Variants in PRDM6 observed in about 807,000 individuals in gnomAD.
PRDM6 encodes putative histone-lysine N-methyltransferase PRDM6.
A neutral mutation model predicts 60.8 loss-of-function variants in PRDM6; 25 were observed. The ratio of observed to expected loss-of-function variants is 0.41; its 90% CI spans 0.30 to 0.57. The LOEUF (loss-of-function observed/expected upper bound fraction) is 0.57. PRDM6 is among the 20% of genes least tolerant of loss of function. The pLI, the probability that PRDM6 is intolerant of heterozygous loss-of-function variation, is 0.27. For synonymous variants in PRDM6, 407 were observed against 357.4 expected, an observed-to-expected ratio of 1.14 and a Z score of -1.57; for missense variants, 839 against 821.3, an observed-to-expected ratio of 1.02 and a Z score of -0.26.
At chr5:123,147,854 G>A (rs1765282223) in intron 3 of PRDM6, among the ~76,000 whole-genome samples, 1 of 152,228 alleles carries the variant, frequency 6.6e-6, no homozygotes, top group South Asian at 2.1e-4. Context: ...TGGATGGCAG[G>A]CTTCATATCG....
intron 3 of PRDM6, among the ~76,000 whole-genome samples, chr5:123,110,568 CTTTTTTTTTT>C (rs974674301): frequency 2.6e-5 from 3 of 116,928 alleles, no homozygotes; most frequent in African/African-American, 9.8e-5. Context: ...TTTTTTTTTT[CTTTTTTTTTT>C]TTTTTTGAGA....
rs1414955292 is a variant in PRDM6 at position 123,171,085 on chromosome 5, C to T, written c.1473C>T (p.His491=). 8 of 1,545,268 alleles carry T rather than the reference C, an allele frequency of 5.2e-6. No homozygotes were observed. Among genetic ancestry groups the T allele is most frequent in the Non-Finnish European group, 7.0e-6 (8 of 1,142,628 alleles). The change falls in exon 6 of 8, where the codon CAC becomes CAT. Residue 491 remains histidine (H), a synonymous_variant. Transcript: ENST00000407847. ...TFTQRILLQM[H]VCTQNPDRPY... is the part of the protein sequence containing the mutation. Reference sequence around the variant, plus strand: ...CCCAGCGGATCCTCTTACAGATGCACGTGTGCACGCAGAACCCCGACAGGT... The same window carrying T: ...CCCAGCGGATCCTCTTACAGATGCATGTGTGCACGCAGAACCCCGACAGGT...
chr5:123,176,280 A>AAC (rs1249084641), intron 6 of PRDM6, among the ~76,000 whole-genome samples: 3 of 150,918 alleles, frequency 2.0e-5, no homozygotes, highest in Non-Finnish European at 4.4e-5. Context: ...TAAAAAAAAA[A>AAC]AAACAAAAAA....
At chr5:123,166,617 T>G (rs1021260101) in intron 5 of PRDM6, among the ~76,000 whole-genome samples, 2 of 152,254 alleles carry the variant, frequency 1.3e-5, no homozygotes, top group Non-Finnish European at 2.9e-5. Flanking sequence ...CTAGAGTTTA[T>G]GTGCCAGAGG....
intron 6 of PRDM6, 50 bp from the exon 7 acceptor site, chr5:123,180,087 TCTGACTTCCA>T (rs577276606): frequency 7.1e-5 from 103 of 1,445,980 alleles, no homozygotes; most frequent in Non-Finnish European, 9.5e-5. Flanking sequence ...GTCATATGAT[TCTGACTTCCA>T]CTGACCAACG....
At chr5:123,096,748 A>G (rs1429521260) in intron 2 of PRDM6, among the ~76,000 whole-genome samples, 1 of 152,216 alleles carries the variant, frequency 6.6e-6, no homozygotes, top group Admixed American at 6.5e-5. Context: ...GCTACTATTA[A>G]GTTTTTCAAC....
intron 5 of PRDM6, among the ~76,000 whole-genome samples, chr5:123,160,289 C>T (rs1765597052): frequency 6.6e-6 from 1 of 152,168 alleles, no homozygotes; most frequent in African/African-American, 2.4e-5. Context: ...TGTGAACTTG[C>T]AGCAACTTTC....
intron 3 of PRDM6, among the ~76,000 whole-genome samples, chr5:123,108,084 T>G (rs544315737): frequency 1.6e-4 from 25 of 152,310 alleles, no homozygotes; most frequent in Admixed American, 1.6e-3. Flanking sequence ...TCCCAGTGCC[T>G]CTGTACATTT....
chr5:123,163,973 C>G (rs1015221985), intron 5 of PRDM6, among the ~76,000 whole-genome samples: 1 of 152,138 alleles, frequency 6.6e-6, no homozygotes, highest in African/African-American at 2.4e-5. Flanking sequence ...CCCTCACCCC[C>G]ACCGTTCCAC....
intron 3 of PRDM6, among the ~76,000 whole-genome samples, chr5:123,136,568 G>T (rs1262610335): frequency 1.3e-5 from 2 of 152,130 alleles, no homozygotes; most frequent in Non-Finnish European, 2.9e-5. Context: ...TAGCACATTT[G>T]ACTCTATTTT....
In PRDM6 at chr5:123,121,002, A is replaced by G. The variant is rs182348608; in HGVS notation, c.900+21041A>G. 2.3e-3 allele frequency among the ~76,000 whole-genome samples: 356 copies of G among 152,140 alleles called. 2 individuals carry two copies. Among genetic ancestry groups the G allele is most frequent in the Non-Finnish European group, 2.3e-3 (158 of 68,020 alleles). On this transcript the variant is annotated intron_variant, in intron 3 of 7. Coordinates refer to ENST00000407847, the MANE Select transcript of PRDM6 (RefSeq NM_001136239.4). Reference sequence around the variant, plus strand: ...GACCTTTTTCCTTATGTTTGGGCTTAATATTGTTGTTTTAAAGATCTGTGA... The same window carrying G: ...GACCTTTTTCCTTATGTTTGGGCTTGATATTGTTGTTTTAAAGATCTGTGA...
intron 3 of PRDM6, among the ~76,000 whole-genome samples, chr5:123,129,306 T>C (rs1389757153): frequency 2.0e-5 from 3 of 152,226 alleles, no homozygotes; most frequent in Non-Finnish European, 4.4e-5. Context: ...AAGAAAGTCA[T>C]TGGTAGCCTG....
At position 123,090,247 on chromosome 5, in the gene PRDM6, C is replaced by G. The variant is rs1031561952; in HGVS notation, c.233C>G (p.Ser78Cys). Residue 78 changes from serine (S) to cysteine (C), a missense_variant, in exon 2 of 8, where the codon TCC becomes TGC. By Grantham distance (112) the Ser-to-Cys change is moderately radical. Around this residue, in one of 2 missense-constraint regions of PRDM6, gnomAD observed 730 missense variants for 648.8 expected, o/e 1.13. Coordinates refer to ENST00000407847, the MANE Select transcript of PRDM6 (RefSeq NM_001136239.4). ...SLRPRPASLSSASSTPASSST... is the reference protein window; with the variant it reads ...SLRPRPASLSCASSTPASSST... ...CGCCCGCGGCCCGCCTCTCTCTCCT[C>G]CGCCTCGTCCACGCCGGCTTCCTCT... 47 of 1,486,800 alleles carry G rather than the reference C, an allele frequency of 3.2e-5. No individual in the cohort carries two copies. The African/African-American group carries it at 6.3e-4, about 20-fold the overall frequency. 92.1% of individuals were successfully genotyped at this position (1,486,800 alleles called of 1,614,324 possible).
At chr5:123,181,750 C>T (rs1442098203) in intron 7 of PRDM6, among the ~76,000 whole-genome samples, 3 of 152,146 alleles carry the variant, frequency 2.0e-5, no homozygotes, top group Non-Finnish European at 4.4e-5. Flanking sequence ...GCCTCATTAC[C>T]CAGGATTTTC....
intron 3 of PRDM6, among the ~76,000 whole-genome samples, chr5:123,122,632 AT>A (rs34156187): frequency 1.9e-4 from 29 of 152,186 alleles, no homozygotes; most frequent in African/African-American, 6.0e-4. Context: ...TTTCATTGCA[AT>A]TTTTTTATTA....
At chr5:123,122,164 C>CAAAAAAAAA (rs138619125) in intron 3 of PRDM6, among the ~76,000 whole-genome samples, 3 of 98,900 alleles carry the variant, frequency 3.0e-5, no homozygotes, top group African/African-American at 4.0e-5. Context: ...CTCCATCTGA[C>CAAAAAAAAA]AAAAAAAAAA....
chr5:123,125,212 A>G (rs2150220110), intron 3 of PRDM6, among the ~76,000 whole-genome samples: 1 of 151,064 alleles, frequency 6.6e-6, no homozygotes, highest in African/African-American at 2.5e-5. Flanking sequence ...CACAGTGCAT[A>G]GATCCCAGGG....
chr5:123,091,326 A>G (rs116228248), intron 2 of PRDM6, among the ~76,000 whole-genome samples: 1,699 of 152,282 alleles, frequency 0.011, 33 homozygotes, highest in African/African-American at 0.039. Flanking sequence ...TTATCCGCGC[A>G]CCTTTGACCC....
chr5:123,122,676 G>A (rs1764607351), intron 3 of PRDM6, among the ~76,000 whole-genome samples: 1 of 152,072 alleles, frequency 6.6e-6, no homozygotes, highest in Non-Finnish European at 1.5e-5. Context: ...ACTGGGAAGA[G>A]GTTAAGCAGT....
Sources: allele counts gnomAD v4.1 joint callset (sites outside exome capture counted in the v4.1 genomes callset), GRCh38; gene constraint gnomAD v4.1.1; regional missense constraint gnomAD v4.1.1; transcripts MANE v1.5; gene names NCBI Gene and HGNC (gene_info 2026-07-23, HGNC 2026-07-21).